The following AP3D1 variants were observed in gnomAD, a reference collection of about 807,000 sequenced individuals.
AP3D1 encodes AP-3 complex subunit delta-1.
In AP3D1, 51 loss-of-function variants were observed where a neutral mutation model predicts 147.6. The observed-to-expected ratio is 0.35, with a 90% confidence interval of 0.28 to 0.44. The LOEUF is 0.44. AP3D1 is among the 20% of genes least tolerant of loss of function. AP3D1 has a pLI of 1.00. For synonymous variants in AP3D1, 760 were observed against 663.0 expected, an observed-to-expected ratio of 1.15 and a Z score of -2.25; for missense variants, 1,421 against 1,624.2, an observed-to-expected ratio of 0.87 and a Z score of 2.15.
At chr19:2,139,266 G>A (rs900618028) in intron 1 of AP3D1, among the ~76,000 whole-genome samples, 4 of 152,010 alleles carry the variant, frequency 2.6e-5, no homozygotes, top group East Asian at 1.9e-4. Flanking sequence ...TGGTGGTGGC[G>A]CACAGCATTC....
chr19:2,117,546 C>T (rs562318270), intron 15 of AP3D1, among the ~76,000 whole-genome samples, 179 bp from the exon 16 acceptor site: 10 of 152,348 alleles, frequency 6.6e-5, no homozygotes, highest in Admixed American at 3.9e-4. Flanking sequence ...CGCCAGGAAG[C>T]GGCAGAAACA....
chr19:2,131,539 C>A (rs112397035), intron 5 of AP3D1, among the ~76,000 whole-genome samples: 1,613 of 76,334 alleles, frequency 0.021, 279 homozygotes, highest in Admixed American at 0.037. Context: ...TCTAGGCACC[C>A]GGTGGACAGG....
chr19:2,148,498 A>C (rs1366831865), intron 1 of AP3D1, among the ~76,000 whole-genome samples: 2 of 152,234 alleles, frequency 1.3e-5, no homozygotes, highest in Non-Finnish European at 2.9e-5. Context: ...ATAACCATTA[A>C]ATTGAATTCA....
intron 31 of AP3D1, among the ~76,000 whole-genome samples, chr19:2,104,762 G>T (rs1257696891): frequency 6.6e-6 from 1 of 151,446 alleles, no homozygotes; most frequent in Non-Finnish European, 1.5e-5. Flanking sequence ...AAACTCCTGG[G>T]CTCAAGAGAT....
chr19:2,125,189 G>A (rs927987196), intron 9 of AP3D1, among the ~76,000 whole-genome samples: 11 of 152,186 alleles, frequency 7.2e-5, no homozygotes, highest in African/African-American at 1.9e-4. Flanking sequence ...GAATAACCCT[G>A]GACAGAAAGT....
chr19:2,106,819 T>A (rs2144997339), intron 31 of AP3D1, among the ~76,000 whole-genome samples: 1 of 152,310 alleles, frequency 6.6e-6, no homozygotes, highest in Admixed American at 6.5e-5. Flanking sequence ...ACATTCCGTG[T>A]GGTTCCACTC....
At position 2,121,285 on chromosome 19, in the gene AP3D1, G is replaced by A. The variant is rs749080836; in HGVS notation, c.1128C>T (p.Ile376=). The change falls in exon 13 of 32, where the codon ATC becomes ATT. Residue 376 remains isoleucine, a synonymous_variant. Coordinates refer to ENST00000643116, the MANE Select transcript of AP3D1 (RefSeq NM_001261826.3). ...GMVSKKNLME[I]VKKLMTHVDK... The stretch of plus-strand genomic sequence containing the variant: ...CTACGTGGGTCATCAGCTTCTTCAC[G>A]ATCTCCATCAGGTTCTTCTTGGACA... 51 of 1,614,050 alleles carry A rather than the reference G, an allele frequency of 3.2e-5. 1 individual carries two copies. In the Admixed American group the frequency reaches 6.3e-4, roughly 20 times the overall value.
chr19:2,115,634 C>T (rs1311195351), intron 18 of AP3D1, 21 bp from the exon 19 acceptor site: 13 of 1,605,744 alleles, frequency 8.1e-6, no homozygotes, highest in South Asian at 4.4e-5. Context: ...AACACCCAGG[C>T]GTTACCGGTG....
intron 31 of AP3D1, among the ~76,000 whole-genome samples, chr19:2,103,279 G>A (rs926199381): frequency 2.6e-5 from 4 of 152,100 alleles, no homozygotes; most frequent in Non-Finnish European, 4.4e-5. Context: ...TGGGTCTCCC[G>A]TGGGAGGGGC....
chr19:2,125,675 T>C (rs1011663837), intron 9 of AP3D1, among the ~76,000 whole-genome samples: 1 of 151,988 alleles, frequency 6.6e-6, no homozygotes, highest in African/African-American at 2.4e-5. Context: ...AAAATAGGTG[T>C]ATAGATTACC....
chr19:2,148,423 G>A (rs1471905558), intron 1 of AP3D1, among the ~76,000 whole-genome samples: 2 of 152,194 alleles, frequency 1.3e-5, no homozygotes, highest in Non-Finnish European at 2.9e-5. Flanking sequence ...TTTCAGGACA[G>A]GACGGTTACT....
intron 31 of AP3D1, among the ~76,000 whole-genome samples, chr19:2,108,319 G>A (rs971416089): frequency 1.3e-5 from 2 of 152,214 alleles, no homozygotes; most frequent in Non-Finnish European, 2.9e-5. Context: ...AGGGAGGCCC[G>A]GAGCGGAGGG....
chr19:2,114,773 T>C lies in AP3D1; in HGVS notation c.2398A>G (p.Arg800Gly). 6.2e-7 allele frequency: 1 copy of C among 1,613,920 alleles called. No homozygotes were observed. Among genetic ancestry groups the C allele is most frequent in the Non-Finnish European group, 8.5e-7 (1 of 1,179,886 alleles). Residue 800 changes from arginine (R) to glycine (G), a missense_variant, in exon 21 of 32, where the codon AGG becomes GGG. Around this residue, in one of 6 missense-constraint regions of AP3D1, gnomAD observed 791 missense variants for 761.4 expected, o/e 1.04. Transcript: ENST00000643116. ...EDDKDPNDPY[R>G]ALDIDLDKPL... ...TTATCCAGGTCAATATCCAGAGCCC[T>C]GTAGGGGTCGTTGGGGTCTTTGTCA... is the stretch of plus-strand genomic sequence containing the variant.
At chr19:2,140,363 C>A (rs532806420) in intron 1 of AP3D1, among the ~76,000 whole-genome samples, 113 of 152,264 alleles carry the variant, frequency 7.4e-4, no homozygotes, top group Non-Finnish European at 1.2e-3. Context: ...AAAACAAGCA[C>A]ACGAACACAC....
intron 1 of AP3D1, among the ~76,000 whole-genome samples, chr19:2,143,872 G>C (rs1599492231): frequency 1.3e-5 from 2 of 152,168 alleles, no homozygotes; most frequent in African/African-American, 4.8e-5. Context: ...TGCATCGCCT[G>C]AGGTTGGGAG....
chr19:2,106,784 T>C (rs2018122404), intron 31 of AP3D1, among the ~76,000 whole-genome samples: 1 of 152,062 alleles, frequency 6.6e-6, no homozygotes, highest in South Asian at 2.1e-4. Context: ...TGAGGTGTAA[T>C]AACAGCAGCC....
rs115217691 is a variant in AP3D1, at chr19:2,124,484, C to A, written c.857-605G>T. On this transcript the variant is annotated intron_variant, in intron 9 of 31. Transcript: ENST00000643116. ...ACAGCTTTAAAAGAAAGACATGAAG[C>A]CAGGGGACCGCCAGGCACATGCAGG... Among the ~76,000 whole-genome samples, 653 of 152,268 alleles carry A rather than the reference C, an allele frequency of 4.3e-3. 4 individuals are homozygous for A. Among genetic ancestry groups the A allele is most frequent in the African/African-American group, 0.015 (627 of 41,532 alleles).
intron 31 of AP3D1, among the ~76,000 whole-genome samples, chr19:2,105,535 G>A (rs1404237031): frequency 6.6e-6 from 1 of 151,982 alleles, no homozygotes; most frequent in East Asian, 1.9e-4. Context: ...GATACTTTTA[G>A]TTAATTTAAT....
intron 31 of AP3D1, among the ~76,000 whole-genome samples, chr19:2,103,136 AAAAC>A (rs1252464666): frequency 2.6e-5 from 4 of 152,138 alleles, no homozygotes; most frequent in African/African-American, 7.2e-5. Flanking sequence ...AAAAAATTAA[AAAAC>A]AAACAAAAAA....
Sources: gnomAD v4.1 joint callset for allele counts (sites outside exome capture counted in the v4.1 genomes callset) on GRCh38, gnomAD v4.1.1 for gene constraint, gnomAD v4.1.1 regional missense constraint, MANE v1.5 for transcripts, NCBI Gene and HGNC (gene_info 2026-07-23, HGNC 2026-07-21) for gene names.